The following SLIT1 variants were observed in gnomAD, a reference collection of about 807,000 sequenced individuals.
SLIT1 encodes the protein slit homolog 1 protein.
In SLIT1, 66 loss-of-function variants were observed where a neutral mutation model predicts 186.1. The ratio of observed to expected loss-of-function variants is 0.35; its 90% CI spans 0.29 to 0.44. SLIT1 has a LOEUF of 0.44. SLIT1 is among the 20% of genes least tolerant of loss of function. The pLI is 1.00. For synonymous variants in SLIT1, 761 were observed against 833.8 expected, an observed-to-expected ratio of 0.91 and a Z score of 1.50; for missense variants, 1,638 against 2,037.4, an observed-to-expected ratio of 0.80 and a Z score of 3.77.
At position 97,185,571 on chromosome 10, in the gene SLIT1, G is replaced by A; in HGVS notation, c.104C>T (p.Pro35Leu). 6.2e-7 allele frequency: 1 copy of A among 1,608,310 alleles called. No individual in the cohort carries two copies. Among genetic ancestry groups the A allele is most frequent in the South Asian group, 1.1e-5 (1 of 90,336 alleles). ...GGTTCCGGTGCAGGTGCAGAGGGCGGGGCACGCCGAGGCACCCAGGCGCCA... is the reference window on the plus strand; with the variant it reads ...GGTTCCGGTGCAGGTGCAGAGGGCGAGGCACGCCGAGGCACCCAGGCGCCA... ...AAWRLGASAC[P>L]ALCTCTGTTV... is the part of the protein sequence containing the mutation. The change falls in exon 1 of 37, where the codon CCC becomes CTC. Residue 35 changes from proline to leucine, a missense_variant. Pro to Leu is a moderately conservative substitution (Grantham distance 98, BLOSUM62 -3). Coordinates refer to ENST00000266058, the MANE Select transcript of SLIT1 (RefSeq NM_003061.3).
At chr10:97,060,049 C>T in intron 10 of SLIT1, 38 bp downstream of exon 10, 1 of 1,551,892 alleles carries the variant, frequency 6.4e-7, no homozygotes, top group South Asian at 1.1e-5. Flanking sequence ...TCCGTCAGCC[C>T]TGTACCAGCT....
At chr10:97,024,315 C>G (rs1848526983) in intron 25 of SLIT1, among the ~76,000 whole-genome samples, 1 of 152,042 alleles carries the variant, frequency 6.6e-6, no homozygotes, top group African/African-American at 2.4e-5. Context: ...GACTCCGGCC[C>G]CCATGCAGCT....
rs563961832 is a variant in SLIT1, at chr10:97,104,850, C to T, written c.414-38764G>A. 5.3e-5 allele frequency among the ~76,000 whole-genome samples: 8 copies of T among 152,292 alleles called. No individual in the cohort carries two copies. In the South Asian group the frequency reaches 1.4e-3, roughly 28 times the overall value. On this transcript the variant is annotated intron_variant, in intron 4 of 36. Transcript: ENST00000266058. ...CCCCAGAGGGATGTCATGCCTCCCA[C>T]GGATGGCCAAGCATGCTGGGTCACT...
At position 97,065,955 on chromosome 10, in the gene SLIT1, A is replaced by T. The variant is rs1848940544; in HGVS notation, c.485+60T>A. ...CGGCTCGCTCAGGGATACCCTGAGG[A>T]TGCTGCCAGGAGTGGCCCTGGAGCC... On this transcript the variant is annotated intron_variant, in intron 5 of 36. Coordinates refer to ENST00000266058, the MANE Select transcript of SLIT1 (RefSeq NM_003061.3). 4 of 1,267,512 alleles carry T rather than the reference A, an allele frequency of 3.2e-6. No individual in the cohort carries two copies. The South Asian group carries it at 5.0e-5, about 16-fold the overall frequency. The allele number at this position is 1,267,512 out of a possible 1,614,324, so 78.5% of individuals were successfully genotyped here. A position where few individuals can be genotyped will look rare whatever the true frequency, so the allele number is the denominator to read the frequency against.
At position 96,998,441 on chromosome 10, in the gene SLIT1, A is replaced by T. The variant is rs1848268041; in HGVS notation, c.*2671T>A. ...CTGTTGCCAGTGGTGTTGCAAGGCC[A>T]CAGCTCCCTCCGGACGCACCCTGCT... On this transcript the variant is annotated 3_prime_UTR_variant, in exon 37 of 37. Transcript: ENST00000266058. 6.6e-6 allele frequency: 1 copy of T among 152,370 alleles called. No homozygotes were observed. Among genetic ancestry groups the T allele is most frequent in the African/African-American group, 2.4e-5 (1 of 41,570 alleles). 9.4% of individuals were successfully genotyped at this position (152,370 alleles called of 1,614,324 possible). A position where few individuals can be genotyped will look rare whatever the true frequency, so the allele number is the denominator to read the frequency against.
chr10:97,013,226 C>T (rs1848426191), intron 30 of SLIT1, among the ~76,000 whole-genome samples: 1 of 152,176 alleles, frequency 6.6e-6, no homozygotes, highest in African/African-American at 2.4e-5. Context: ...GGATGAATAA[C>T]AACAAAAAGC....
rs187656509 is a variant in SLIT1, at chr10:97,041,762, C to T, written c.2164+1139G>A. 7.2e-5 allele frequency among the ~76,000 whole-genome samples: 11 copies of T among 152,256 alleles called. No individual in the cohort carries two copies. The South Asian group carries it at 8.3e-4, about 11-fold the overall frequency. On this transcript the variant is annotated intron_variant, in intron 20 of 36. Transcript: ENST00000266058. ...CTGGGATTACAGGCATGAGCCTCCG[C>T]GCCTGGCCTGTCAGTAACTTTTTTA...
At chr10:97,090,525 G>A (rs1849219368) in intron 4 of SLIT1, among the ~76,000 whole-genome samples, 1 of 152,194 alleles carries the variant, frequency 6.6e-6, no homozygotes, top group South Asian at 2.1e-4. Context: ...GTATTAGCAG[G>A]AGAGCAGCAG....
chr10:97,031,779 C>A, intron 23 of SLIT1, 102 bp from the exon 24 acceptor site: 1 of 890,632 alleles, frequency 1.1e-6, no homozygotes, highest in Non-Finnish European at 1.7e-6. Context: ...CCAGCAGCCT[C>A]CTCGGGCTCT....
chr10:97,064,792 A>G lies in SLIT1; in HGVS notation c.557+13T>C, dbSNP rs765461050. ...CCTCCACACCCCTCCTTCCTTTTCC[A>G]TGCTTTACTTACAGCACCTCCAGCC... On this transcript the variant is annotated intron_variant, in intron 6 of 36. Transcript: ENST00000266058. 8.8e-6 allele frequency: 14 copies of G among 1,598,730 alleles called. No individual in the cohort carries two copies. The highest frequency in any genetic ancestry group is 1.3e-5 in the African/African-American group (1 of 74,262).
At position 97,022,608 on chromosome 10, in the gene SLIT1, C is replaced by T. The variant is rs185038027; in HGVS notation, c.2583-1195G>A. On this transcript the variant is annotated intron_variant, in intron 25 of 36. Transcript: ENST00000266058. This position sits in a 1 kb window ranked among gnomAD's most constrained non-coding sequence, Gnocchi z 4.2. ...CCAGCCATTGTTTCTGGGCGTTTAC[C>T]TGTAGGCACACATAAAGACATCTGT... 1.7e-4 allele frequency among the ~76,000 whole-genome samples: 26 copies of T among 152,328 alleles called. No homozygotes were observed. Among genetic ancestry groups the T allele is most frequent in the African/African-American group, 6.0e-4 (25 of 41,576 alleles).
chr10:97,028,656 G>T (rs1170816411), intron 25 of SLIT1, among the ~76,000 whole-genome samples: 1 of 152,130 alleles, frequency 6.6e-6, no homozygotes, highest in Non-Finnish European at 1.5e-5. Flanking sequence ...CCTTGGACTT[G>T]CCCAGAGTTA....
chr10:97,088,578 G>A (rs986614724), intron 4 of SLIT1, among the ~76,000 whole-genome samples: 5 of 152,136 alleles, frequency 3.3e-5, no homozygotes, highest in African/African-American at 7.2e-5. Flanking sequence ...ACAGCTAAAC[G>A]TACTATACAG....
At chr10:97,084,571 T>G (rs1010780175) in intron 4 of SLIT1, among the ~76,000 whole-genome samples, 4 of 147,732 alleles carry the variant, frequency 2.7e-5, no homozygotes, top group African/African-American at 9.9e-5. Flanking sequence ...TTTCTTTTCT[T>G]TCCTTTTCTT....
chr10:97,070,141 C>T (rs946741923), intron 4 of SLIT1, among the ~76,000 whole-genome samples: 1 of 152,190 alleles, frequency 6.6e-6, no homozygotes. Context: ...GATGACACAA[C>T]CCCCCAACAT....
chr10:97,033,817 C>T lies in SLIT1; in HGVS notation c.2438+654G>A, dbSNP rs116768404. Among the ~76,000 whole-genome samples, 1,333 of 150,070 alleles carry T rather than the reference C, an allele frequency of 8.9e-3. 25 individuals are homozygous for T. Among genetic ancestry groups the T allele is most frequent in the African/African-American group, 0.03 (1,225 of 40,786 alleles). On this transcript the variant is annotated intron_variant, in intron 23 of 36. Transcript: ENST00000266058. The stretch of plus-strand genomic sequence containing the variant: ...AGCTGCCTTGGGGTAGGGGAGGAGA[C>T]AGCAATAAGGATCAGGAAGGGACAA...
chr10:97,008,357 A>C (rs911202591), intron 31 of SLIT1, among the ~76,000 whole-genome samples: 1 of 152,222 alleles, frequency 6.6e-6, no homozygotes, highest in African/African-American at 2.4e-5. Flanking sequence ...AAATAAATGG[A>C]AAGGCATTCA....
At chr10:97,128,283 G>A (rs1384320482) in intron 4 of SLIT1, among the ~76,000 whole-genome samples, 2 of 152,156 alleles carry the variant, frequency 1.3e-5, no homozygotes, top group Non-Finnish European at 2.9e-5. Context: ...CATCACATTT[G>A]AGACACAAAC....
At chr10:97,083,813 C>G (rs553818815) in intron 4 of SLIT1, among the ~76,000 whole-genome samples, 1 of 152,166 alleles carries the variant, frequency 6.6e-6, no homozygotes, top group Admixed American at 6.5e-5. Flanking sequence ...TGAGAGGCTT[C>G]GTTCAGAAGT....
Sources: gnomAD v4.1 joint callset for allele counts (sites outside exome capture counted in the v4.1 genomes callset) on GRCh38, gnomAD v4.1.1 for gene constraint, Gnocchi (gnomAD v3.1) non-coding constraint, MANE v1.5 for transcripts, NCBI Gene and HGNC (gene_info 2026-07-23, HGNC 2026-07-21) for gene names.